The following PARD3B variants were observed in gnomAD, a reference collection of about 807,000 sequenced individuals.
PARD3B encodes par-3 family cell polarity regulator beta.
Under a neutral mutation model 130.2 loss-of-function variants are expected in PARD3B, and 103 were observed. The observed-to-expected ratio is 0.79, with a 90% CI of 0.67 to 0.93. PARD3B has a LOEUF of 0.93. Among genes scored for constraint, PARD3B ranks in the 40% least tolerant of loss-of-function variants. The pLI is 0.00. For missense variants in PARD3B, 1,609 were observed against 1,499.2 expected (o/e 1.07, Z -1.21); for synonymous variants, 583 against 553.2 (o/e 1.05, Z -0.76).
At chr2:205,143,326 G>C (rs1402405592) in intron 10 of PARD3B, among the ~76,000 whole-genome samples, 1 of 152,116 alleles carries the variant, frequency 6.6e-6, no homozygotes, top group African/African-American at 2.4e-5. Flanking sequence ...TAAAAACGGG[G>C]CTGTGATGGA....
intron 2 of PARD3B, among the ~76,000 whole-genome samples, chr2:204,821,907 A>T (rs2043375148): frequency 6.6e-6 from 1 of 151,994 alleles, no homozygotes; most frequent in South Asian, 2.1e-4. Context: ...CTTTATCAGC[A>T]GCGTGAAAAC....
intron 18 of PARD3B, among the ~76,000 whole-genome samples, chr2:205,353,103 T>G (rs945253821): frequency 2.6e-5 from 4 of 152,186 alleles, no homozygotes; most frequent in African/African-American, 9.7e-5. Flanking sequence ...CGTTACTGTG[T>G]CCAGCCTGTG....
In PARD3B at chr2:205,309,874, A is replaced by G. The variant is rs908115255; in HGVS notation, c.2630+8173A>G. Among the ~76,000 whole-genome samples, 3 of 150,408 alleles carry G rather than the reference A, an allele frequency of 2.0e-5. No individual in the cohort carries two copies. In the East Asian group the frequency reaches 5.8e-4, roughly 29 times the overall value. Reference sequence around the variant, plus strand: ...AGCTGTCAGTGTAGTGCCTAACTTGATAGACATTACTTCTTATCCATCTAT... The same window carrying G: ...AGCTGTCAGTGTAGTGCCTAACTTGGTAGACATTACTTCTTATCCATCTAT... On this transcript the variant is annotated intron_variant, in intron 18 of 22. Transcript: ENST00000406610. This position sits in a 1 kb window ranked among gnomAD's most constrained non-coding sequence, Gnocchi z 4.7.
At chr2:204,614,650 A>C (rs1280428316) in intron 1 of PARD3B, among the ~76,000 whole-genome samples, 1 of 152,024 alleles carries the variant, frequency 6.6e-6, no homozygotes. Context: ...CTGTTGGGGG[A>C]TATTTAAATC....
intron 22 of PARD3B, among the ~76,000 whole-genome samples, chr2:205,580,157 A>G (rs968162251): frequency 3.9e-5 from 6 of 152,198 alleles, no homozygotes; most frequent in Non-Finnish European, 8.8e-5. Flanking sequence ...ACTTTTACCA[A>G]TTAGAAATGG....
chr2:205,446,818 A>T lies in PARD3B; in HGVS notation c.3044+6146A>T, dbSNP rs1389633227. 6.6e-6 allele frequency among the ~76,000 whole-genome samples: 1 copy of T among 152,206 alleles called. No homozygotes were observed. Among genetic ancestry groups the T allele is most frequent in the East Asian group, 1.9e-4 (1 of 5,200 alleles). On this transcript the variant is annotated intron_variant, in intron 20 of 22. Transcript: ENST00000406610. This position sits in a 1 kb window ranked among gnomAD's most constrained non-coding sequence, Gnocchi z 4.4. Reference sequence around the variant, plus strand: ...CAATTACTCAGGTTTACAATGTGTTAGTTTTCCACCGCAATGCCAGCATTG... The same window carrying T: ...CAATTACTCAGGTTTACAATGTGTTTGTTTTCCACCGCAATGCCAGCATTG...
intron 2 of PARD3B, among the ~76,000 whole-genome samples, chr2:204,734,169 C>G (rs1451562422): frequency 6.6e-6 from 1 of 152,006 alleles, no homozygotes; most frequent in Non-Finnish European, 1.5e-5. Flanking sequence ...AAAAAGTACA[C>G]AATGTTTCTA....
intron 18 of PARD3B, among the ~76,000 whole-genome samples, chr2:205,330,587 A>G (rs1168248452): frequency 6.6e-6 from 1 of 152,196 alleles, no homozygotes; most frequent in African/African-American, 2.4e-5. Flanking sequence ...TGCTCAGAGG[A>G]AAGTTTCAGA....
chr2:205,569,034 C>A (rs1432216050), intron 22 of PARD3B, among the ~76,000 whole-genome samples: 1 of 152,188 alleles, frequency 6.6e-6, no homozygotes, highest in African/African-American at 2.4e-5. Flanking sequence ...ACACCCCCAC[C>A]AGCACTGACT....
At chr2:205,067,450 C>T (rs933565787) in intron 4 of PARD3B, among the ~76,000 whole-genome samples, 3 of 152,040 alleles carry the variant, frequency 2.0e-5, no homozygotes, top group African/African-American at 7.2e-5. Context: ...AGGTGTGAGC[C>T]ACGATACCCA....
intron 2 of PARD3B, among the ~76,000 whole-genome samples, chr2:204,876,042 G>A (rs967660362): frequency 1.3e-5 from 2 of 152,128 alleles, no homozygotes; most frequent in African/African-American, 4.8e-5. Flanking sequence ...AGAGGGAATT[G>A]TACTCCTGTT....
At chr2:204,897,949 A>G (rs1020960697) in intron 2 of PARD3B, among the ~76,000 whole-genome samples, 2 of 152,040 alleles carry the variant, frequency 1.3e-5, no homozygotes, top group Admixed American at 1.3e-4. Context: ...TGTAGTTAAT[A>G]AAGGACTAAA....
chr2:204,584,962 G>A (rs1160209058), intron 1 of PARD3B, among the ~76,000 whole-genome samples: 2 of 152,202 alleles, frequency 1.3e-5, no homozygotes, highest in Non-Finnish European at 2.9e-5. Context: ...CATCCGTAGG[G>A]TTGGAGAAAT....
intron 15 of PARD3B, among the ~76,000 whole-genome samples, chr2:205,223,711 G>A (rs2038366345): frequency 6.6e-6 from 1 of 152,178 alleles, no homozygotes; most frequent in African/African-American, 2.4e-5. Context: ...AGAAGTAAGT[G>A]ATGAGACCTC....
At chr2:205,297,453 G>T (rs190714232) in intron 16 of PARD3B, among the ~76,000 whole-genome samples, 1 of 152,130 alleles carries the variant, frequency 6.6e-6, no homozygotes, top group East Asian at 1.9e-4. Flanking sequence ...TTTACAGGGA[G>T]GGTATTTTAT....
intron 2 of PARD3B, among the ~76,000 whole-genome samples, chr2:204,937,814 G>T (rs759021970): frequency 1.3e-5 from 2 of 152,084 alleles, no homozygotes; most frequent in Non-Finnish European, 2.9e-5. Context: ...TTTAAATCCT[G>T]GGTACCCAAG....
chr2:204,832,966 T>C (rs1197254806), intron 2 of PARD3B, among the ~76,000 whole-genome samples: 1 of 152,174 alleles, frequency 6.6e-6, no homozygotes, highest in Non-Finnish European at 1.5e-5. Context: ...ACTGTACAGA[T>C]GTAAGGTAGC....
At chr2:204,863,507 G>C (rs1014981411) in intron 2 of PARD3B, among the ~76,000 whole-genome samples, 1 of 152,134 alleles carries the variant, frequency 6.6e-6, no homozygotes, top group Non-Finnish European at 1.5e-5. Context: ...ATTTAAAATT[G>C]TCACAGCTTT....
intron 21 of PARD3B, among the ~76,000 whole-genome samples, chr2:205,522,355 T>A (rs1464757062): frequency 3.9e-3 from 596 of 152,064 alleles, no homozygotes; most frequent in African/African-American, 0.014. Flanking sequence ...TATATGATCT[T>A]TAAATCAAGG....
Sources: allele counts gnomAD v4.1 joint callset (sites outside exome capture counted in the v4.1 genomes callset), GRCh38; gene constraint gnomAD v4.1.1; non-coding constraint Gnocchi (gnomAD v3.1); transcripts MANE v1.5; gene names NCBI Gene and HGNC (gene_info 2026-07-23, HGNC 2026-07-21).